Variants in HNRNPU observed in about 807,000 individuals in gnomAD.
HNRNPU encodes the protein HNRNPU antisense RNA 1.
Under a neutral mutation model 94.7 loss-of-function variants are expected in HNRNPU, and 5 were observed. The ratio of observed to expected loss-of-function variants is 0.05; its 90% CI spans 0.03 to 0.11. The LOEUF is 0.11. Among genes scored for constraint, HNRNPU ranks in the 10% least tolerant of loss-of-function variants. HNRNPU has a pLI of 1.00. For synonymous variants in HNRNPU, 434 were observed against 381.6 expected (o/e 1.14, Z -1.60); for missense variants, 710 against 1,049.2 (o/e 0.68, Z 4.47).
rs1168304044 is a variant in HNRNPU, at chr1:244,851,564, C to T, written c.*2886G>A. On this transcript the variant is annotated 3_prime_UTR_variant, in exon 14 of 14. Coordinates refer to ENST00000640218, the MANE Select transcript of HNRNPU (RefSeq NM_031844.3). ...AATTTTATAACTTTTTCAGAGAATT[C>T]CTTTAAACTTGTTAAAATACCTTGT... The T allele has an allele frequency of 6.6e-6, 1 of 152,154 alleles. No homozygotes were observed. The highest frequency in any genetic ancestry group is 1.5e-5 in the Non-Finnish European group (1 of 68,032). The allele number at this position is 152,154 out of a possible 1,614,324, so 9.4% of individuals were successfully genotyped here.
rs765953886 is a variant in HNRNPU at position 244,856,645 on chromosome 1, T to G, written c.1744-20A>C. ...ATTTGTCTTTAAAAAAAGAAATTTA[T>G]GTTTACAACCCTAAACATTAATTCT... On this transcript the variant is annotated intron_variant, in intron 9 of 13. Coordinates refer to ENST00000640218, the MANE Select transcript of HNRNPU (RefSeq NM_031844.3). 1 of 1,611,904 alleles carries G rather than the reference T, an allele frequency of 6.2e-7. No homozygotes were observed. Among genetic ancestry groups the G allele is most frequent in the Non-Finnish European group, 8.5e-7 (1 of 1,179,352 alleles).
rs1304793222 is a variant in HNRNPU at position 244,864,373 on chromosome 1, G to GGCGGCTGCT, written c.-75_-67dup. 1.4e-4 allele frequency: 221 copies of GGCGGCTGCT among 1,588,008 alleles called. 2 individuals are homozygous for GGCGGCTGCT. In the East Asian group the frequency reaches 2.2e-3, roughly 15 times the overall value. On this transcript the variant is annotated 5_prime_UTR_variant, in exon 1 of 14. Coordinates refer to ENST00000640218, the MANE Select transcript of HNRNPU (RefSeq NM_031844.3). ...CGGCTCCGCTCACTCGGCCACTGGT[G>GGCGGCTGCT]GCGGCTGCTGCGGCTGCTCCTCGGC...
At chr1:244,861,639 A>G (rs1468040186) in intron 3 of HNRNPU, 1 of 151,746 alleles carries the variant, frequency 6.6e-6, no homozygotes, top group East Asian at 1.9e-4. Context: ...GCAGGCTGAC[A>G]CCATAGCTGA....
At position 244,854,360 on chromosome 1, in the gene HNRNPU, A is replaced by T. The variant is rs1680622184; in HGVS notation, c.*90T>A. On this transcript the variant is annotated 3_prime_UTR_variant, in exon 14 of 14. Coordinates refer to ENST00000640218, the MANE Select transcript of HNRNPU (RefSeq NM_031844.3). ...AACCCGCAGGCACTTCCTCTTGTGG[A>T]ATGTTTAAAAAGTTAGCCTACTAAA... 1 of 872,152 alleles carries T rather than the reference A, an allele frequency of 1.1e-6. No individual in the cohort carries two copies. The highest frequency in any genetic ancestry group is 1.9e-6 in the Non-Finnish European group (1 of 518,738). 54.0% of individuals were successfully genotyped at this position (872,152 alleles called of 1,614,324 possible). A position where few individuals can be genotyped will look rare whatever the true frequency, so the allele number is the denominator to read the frequency against.
intron 3 of HNRNPU, chr1:244,862,102 A>G (rs1680846371): frequency 1.1e-5 from 2 of 189,708 alleles, no homozygotes; most frequent in Non-Finnish European, 2.2e-5. Flanking sequence ...CTCACTTAAT[A>G]TAATTCCACA....
In HNRNPU at chr1:244,855,612, AAAGAC is replaced by A. The variant is rs1558186076; in HGVS notation, c.2168-9_2168-5del. ...TATCCGCCACGATTCCCAGGGGCTA[AAAGAC>A]AAGAGCTGTTTTAGTTTCATTGTAT... On this transcript the variant is annotated splice_region_variant and splice_polypyrimidine_tract_variant and intron_variant, in intron 11 of 13. Coordinates refer to ENST00000640218, the MANE Select transcript of HNRNPU (RefSeq NM_031844.3). 1 of 1,613,874 alleles carries A rather than the reference AAAGAC, an allele frequency of 6.2e-7. No individual in the cohort carries two copies.
chr1:244,857,968 G>A (rs760112126), intron 7 of HNRNPU, 43 bp downstream of exon 7: 2 of 1,545,168 alleles, frequency 1.3e-6, no homozygotes, highest in Admixed American at 4.2e-5. Flanking sequence ...TGCCAGGCAA[G>A]CAATATTCAA....
At chr1:244,863,488 T>G (rs1173567923) in intron 1 of HNRNPU, 129 bp downstream of exon 1, 583 of 296,552 alleles carry the variant, frequency 2.0e-3, no homozygotes, top group Non-Finnish European at 2.3e-3. Flanking sequence ...CCGCGCCCCC[T>G]CCCCCACCCT....
In HNRNPU at chr1:244,856,986, T is replaced by C. The variant is rs919194779; in HGVS notation, c.1615-130A>G. 1.1e-4 allele frequency: 85 copies of C among 746,692 alleles called. 3 individuals carry two copies. The South Asian group carries it at 1.5e-3, about 13-fold the overall frequency. The allele number at this position is 746,692 out of a possible 1,614,324, so 46.3% of individuals were successfully genotyped here. On this transcript the variant is annotated intron_variant, in intron 8 of 13. Coordinates refer to ENST00000640218, the MANE Select transcript of HNRNPU (RefSeq NM_031844.3). ...ATTTAAATATTACCTTTGTCCATTATTGCTACAAAAACAGGGTCACTTAAA... is the reference window on the plus strand; with the variant it reads ...ATTTAAATATTACCTTTGTCCATTACTGCTACAAAAACAGGGTCACTTAAA...
Position 244,858,715 on chromosome 1 carries a change from T to C in HNRNPU, c.1230+14A>G, listed in dbSNP as rs745576876. The C allele has an allele frequency of 5.7e-6, 8 of 1,395,858 alleles. No homozygotes were observed. Among genetic ancestry groups the C allele is most frequent in the Admixed American group, 3.4e-5 (2 of 58,414 alleles). 86.5% of individuals were successfully genotyped at this position (1,395,858 alleles called of 1,614,324 possible). A position where few individuals can be genotyped will look rare whatever the true frequency, so the allele number is the denominator to read the frequency against. On this transcript the variant is annotated intron_variant, in intron 6 of 13. Transcript: ENST00000640218. ...ACTTTGCCATTTATACATAGAAAGT[T>C]AGCTTTAACTTACAGCAAAACATGT... is the stretch of plus-strand genomic sequence containing the variant.
chr1:244,855,531 T>A lies in HNRNPU; in HGVS notation c.2245A>T (p.Ile749Phe). 4 of 1,614,062 alleles carry A rather than the reference T, an allele frequency of 2.5e-6. No homozygotes were observed. Among genetic ancestry groups the A allele is most frequent in the Non-Finnish European group, 2.5e-6 (3 of 1,179,956 alleles). Residue 749 changes from isoleucine (I) to phenylalanine (F), a missense_variant, in exon 12 of 14, where the codon ATC becomes TTC. By Grantham distance (21) the Ile-to-Phe change is conservative (BLOSUM62 0). This residue lies in a region of HNRNPU where 152 missense variants were observed against 238.9 expected (regional missense o/e 0.64). Transcript: ENST00000640218. ...RGGGGGGSGG[I>F]GYPYPRAPVF... ...GGGGCACGAGGGTATGGATAGCCGA[T>A]TCCACCACTTCCTCCACCGCCACCA...
At chr1:244,863,508 G>GCCCTCCCGCCCGGGGCT (rs1350500242) in intron 1 of HNRNPU, 109 bp downstream of exon 1, 2 of 1,100,550 alleles carry the variant, frequency 1.8e-6, no homozygotes, top group Non-Finnish European at 2.3e-6. Flanking sequence ...TCACCGCGGC[G>GCCCTCCCGCCCGGGGCT]CCCTCCCGCC....
In HNRNPU at chr1:244,863,774, C is replaced by T; in HGVS notation, c.534G>A (p.Gly178=). The T allele has an allele frequency of 6.3e-7, 1 of 1,597,384 alleles. No individual in the cohort carries two copies. The highest frequency in any genetic ancestry group is 1.7e-5 in the Admixed American group (1 of 58,314). Residue 178 remains glycine (G), a synonymous_variant, in exon 1 of 14, where the codon GGG becomes GGA. Transcript: ENST00000640218. The part of the protein sequence containing the change: ...TQQQQPQQQR[G]AAKEAAGKSS... ...TCTTCCCCGCGGCCTCCTTGGCGGC[C>T]CCGCGCTGCTGTTGGGGCTGTTGCT... is the stretch of plus-strand genomic sequence containing the variant.
rs1177980110 is a variant in HNRNPU at position 244,863,395 on chromosome 1, GAC to G, written c.691+220_691+221del. Among the ~76,000 whole-genome samples the G allele has an allele frequency of 0.044, 6,049 of 138,418 alleles. 323 individuals are homozygous for G. The highest frequency in any genetic ancestry group is 0.13 in the African/African-American group (4,574 of 36,422). The allele number at this position is 138,418 out of a possible 152,430, so 90.8% of individuals were successfully genotyped here. A position where few individuals can be genotyped will look rare whatever the true frequency, so the allele number is the denominator to read the frequency against. On this transcript the variant is annotated intron_variant, in intron 1 of 13. Coordinates refer to ENST00000640218, the MANE Select transcript of HNRNPU (RefSeq NM_031844.3). The stretch of plus-strand genomic sequence containing the variant: ...ACATAATGGAGGCGCTGCCACCGCC[GAC>G]ACACACACACACACACACACACACG...
At chr1:244,863,486 C>T in intron 1 of HNRNPU, 131 bp downstream of exon 1, 1 of 1,126,860 alleles carries the variant, frequency 8.9e-7, no homozygotes, top group Non-Finnish European at 1.1e-6. Context: ...CCCCGCGCCC[C>T]CTCCCCCACC....
rs1397759287 is a variant in HNRNPU at position 244,860,236 on chromosome 1, G to A, written c.1017+99C>T. 5.0e-5 allele frequency: 48 copies of A among 956,756 alleles called. No individual in the cohort carries two copies. In the South Asian group the frequency reaches 7.6e-4, roughly 15 times the overall value. The allele number at this position is 956,756 out of a possible 1,614,324, so 59.3% of individuals were successfully genotyped here. A position where few individuals can be genotyped will look rare whatever the true frequency, so the allele number is the denominator to read the frequency against. The stretch of plus-strand genomic sequence containing the variant: ...GAATCGCTTGAACCCAGGACGCGGA[G>A]GTTGCAGTGAGCCTAGGTCGCACCA... On this transcript the variant is annotated intron_variant, in intron 4 of 13. Transcript: ENST00000640218.
intron 10 of HNRNPU, 60 bp downstream of exon 10, chr1:244,856,397 T>C: frequency 3.3e-6 from 5 of 1,512,070 alleles, no homozygotes; most frequent in South Asian, 1.2e-5. Flanking sequence ...GCAGAATATG[T>C]AGGAAAAACA....
chr1:244,851,877 TTAG>T lies in HNRNPU; in HGVS notation c.*2570_*2572del, dbSNP rs1448091500. 1.3e-5 allele frequency: 2 copies of T among 152,216 alleles called. No individual in the cohort carries two copies. Among genetic ancestry groups the T allele is most frequent in the Non-Finnish European group, 2.9e-5 (2 of 68,040 alleles). 9.4% of individuals were successfully genotyped at this position (152,216 alleles called of 1,614,324 possible). A position where few individuals can be genotyped will look rare whatever the true frequency, so the allele number is the denominator to read the frequency against. ...TTCTCATAGCTATCTCATAGCAGTTTTAGTTTTCTCAAATTCTATGCTGTTTTT... is the reference window on the plus strand; with the variant it reads ...TTCTCATAGCTATCTCATAGCAGTTTTTTTCTCAAATTCTATGCTGTTTTT... On this transcript the variant is annotated 3_prime_UTR_variant, in exon 14 of 14. Coordinates refer to ENST00000640218, the MANE Select transcript of HNRNPU (RefSeq NM_031844.3).
At chr1:244,862,407 A>AAAC in intron 3 of HNRNPU, 54 bp downstream of exon 3, 1 of 1,262,474 alleles carries the variant, frequency 7.9e-7, no homozygotes, top group African/African-American at 1.5e-5. Flanking sequence ...AAAAAAAAAA[A>AAAC]AAAAAAACCA....
Sources: gnomAD v4.1 joint callset for allele counts (sites outside exome capture counted in the v4.1 genomes callset) on GRCh38, gnomAD v4.1.1 for gene constraint, gnomAD v4.1.1 regional missense constraint, MANE v1.5 for transcripts, NCBI Gene and HGNC (gene_info 2026-07-23, HGNC 2026-07-21) for gene names.